The following SLC25A33 variants were observed in gnomAD, a reference collection of about 807,000 sequenced individuals.
The protein encoded by SLC25A33 is bone marrow stromal cell mitochondrial carrier protein.
In SLC25A33, 15 loss-of-function variants were observed where a neutral mutation model predicts 35.5. The observed-to-expected ratio is 0.42, with a 90% CI of 0.28 to 0.65. SLC25A33 has a LOEUF of 0.65. Among genes scored for constraint, SLC25A33 ranks in the 30% least tolerant of loss-of-function variants. SLC25A33 has a pLI of 0.20. For missense variants in SLC25A33, 257 were observed against 398.5 expected (o/e 0.64, Z 3.02); for synonymous variants, 136 against 148.7 (o/e 0.91, Z 0.62).
chr1:9,580,339 G>A (rs935342539), intron 6 of SLC25A33, 105 bp downstream of exon 6: 14 of 1,429,362 alleles, frequency 9.8e-6, no homozygotes, highest in Non-Finnish European at 1.3e-5. Context: ...CAGGATCCCT[G>A]CAGGTAAGGT....
intron 5 of SLC25A33, among the ~76,000 whole-genome samples, chr1:9,574,427 C>A (rs547673440): frequency 2.0e-5 from 3 of 152,174 alleles, no homozygotes; most frequent in Non-Finnish European, 4.4e-5. Context: ...GTCAGTGATA[C>A]AGTAGTATGC....
At chr1:9,566,532 A>G (rs773931236) in intron 2 of SLC25A33, among the ~76,000 whole-genome samples, 7 of 152,286 alleles carry the variant, frequency 4.6e-5, no homozygotes, top group Non-Finnish European at 7.4e-5. Context: ...TTCATTGTAT[A>G]GTACAGACTC....
At chr1:9,559,189 C>T (rs551137178) in intron 2 of SLC25A33, among the ~76,000 whole-genome samples, 10 of 152,266 alleles carry the variant, frequency 6.6e-5, no homozygotes, top group South Asian at 4.1e-4. Context: ...TATTTTTATC[C>T]GTAGCACTTA....
intron 5 of SLC25A33, among the ~76,000 whole-genome samples, chr1:9,576,170 G>T (rs1021082152): frequency 6.6e-6 from 1 of 152,226 alleles, no homozygotes; most frequent in Non-Finnish European, 1.5e-5. Context: ...TCTCTCAGCA[G>T]TGAATATTTG....
intron 5 of SLC25A33, among the ~76,000 whole-genome samples, chr1:9,579,701 G>A (rs1289451968): frequency 6.6e-6 from 1 of 152,188 alleles, no homozygotes; most frequent in East Asian, 1.9e-4. Context: ...CTCTCATGGA[G>A]TAAGACCAAC....
chr1:9,575,212 C>CAAAAAAAAAAAAAAAAAA (rs909942057), intron 5 of SLC25A33, among the ~76,000 whole-genome samples: 1 of 58,722 alleles, frequency 1.7e-5, no homozygotes. Context: ...GACTCTGGCT[C>CAAAAAAAAAAAAAAAAAA]AAAAAAAAAA....
chr1:9,553,092 T>A (rs1336327512), intron 1 of SLC25A33, among the ~76,000 whole-genome samples: 2 of 148,890 alleles, frequency 1.3e-5, no homozygotes, highest in African/African-American at 2.5e-5. Flanking sequence ...GGGTTTTGCC[T>A]TGTTGGCCTG....
intron 4 of SLC25A33, 30 bp downstream of exon 4, chr1:9,570,388 T>A: frequency 6.5e-7 from 1 of 1,535,306 alleles, no homozygotes; most frequent in Non-Finnish European, 9.0e-7. Context: ...GAAGAGAGGG[T>A]CTCTCTCTCA....
At chr1:9,560,190 T>G (rs1302788065) in intron 2 of SLC25A33, among the ~76,000 whole-genome samples, 1 of 148,842 alleles carries the variant, frequency 6.7e-6, no homozygotes, top group Non-Finnish European at 1.5e-5. Context: ...AGGCGGAGGT[T>G]GCAGTGAGCC....
At position 9,583,421 on chromosome 1, in the gene SLC25A33, C is replaced by CT. The variant is rs1643769717; in HGVS notation, c.*923dup. On this transcript the variant is annotated 3_prime_UTR_variant, in exon 7 of 7. Coordinates refer to ENST00000302692, the MANE Select transcript of SLC25A33 (RefSeq NM_032315.3). ...TCCTGAAGTTATCCTTTTCTCCCTACTTTGAACCAAAGGCAAGAATTTTTA... is the reference window on the plus strand; with the variant it reads ...TCCTGAAGTTATCCTTTTCTCCCTACTTTTGAACCAAAGGCAAGAATTTTTA... The CT allele has an allele frequency of 7.9e-5, 12 of 152,304 alleles. No homozygotes were observed. In the South Asian group the frequency reaches 2.5e-3, roughly 32 times the overall value. 9.4% of individuals were successfully genotyped at this position (152,304 alleles called of 1,614,324 possible).
In SLC25A33 at chr1:9,582,468, A is replaced by G. The variant is rs1643759818; in HGVS notation, c.933A>G (p.Leu311=). The stretch of plus-strand genomic sequence containing the variant: ...CCATTGTGTTGTCTACTTATGAGTT[A>G]ATTGTGTACCTGTTAGAAGACCGTA... The part of the protein sequence containing the change: ...NTAIVLSTYE[L]IVYLLEDRTQ The change falls in exon 7 of 7, where the codon TTA becomes TTG. Residue 311 remains leucine (L), a synonymous_variant. Coordinates refer to ENST00000302692, the MANE Select transcript of SLC25A33 (RefSeq NM_032315.3). This position sits in a 1 kb window ranked among gnomAD's most constrained non-coding sequence, Gnocchi z 4.0. 7 of 1,613,648 alleles carry G rather than the reference A, an allele frequency of 4.3e-6. No individual in the cohort carries two copies. The highest frequency in any genetic ancestry group is 4.0e-5 in the African/African-American group (3 of 74,910).
Position 9,583,910 on chromosome 1 carries a change from G to A in SLC25A33, c.*1409G>A, listed in dbSNP as rs1438889198. On this transcript the variant is annotated 3_prime_UTR_variant, in exon 7 of 7. Transcript: ENST00000302692. ...CTCGGGAGGCTGAGGCAGGAGAATGGCGTGAACCTGGGAGGCGGAGCTTGC... is the reference window on the plus strand; with the variant it reads ...CTCGGGAGGCTGAGGCAGGAGAATGACGTGAACCTGGGAGGCGGAGCTTGC... 6.6e-6 allele frequency: 1 copy of A among 151,508 alleles called. No homozygotes were observed. The highest frequency in any genetic ancestry group is 1.5e-5 in the Non-Finnish European group (1 of 67,914). 9.4% of individuals were successfully genotyped at this position (151,508 alleles called of 1,614,324 possible). A position where few individuals can be genotyped will look rare whatever the true frequency, so the allele number is the denominator to read the frequency against.
intron 4 of SLC25A33, among the ~76,000 whole-genome samples, chr1:9,572,901 C>CAA (rs57308070): frequency 2.2e-3 from 137 of 60,896 alleles, no homozygotes; most frequent in African/African-American, 6.9e-3. Context: ...CCCGTCTCTA[C>CAA]AAAAAAAAAA....
chr1:9,549,019 G>A (rs1569844755), intron 1 of SLC25A33, among the ~76,000 whole-genome samples: 1 of 152,164 alleles, frequency 6.6e-6, no homozygotes, highest in South Asian at 2.1e-4. Flanking sequence ...GTAGGTCTGG[G>A]CTACAGATTG....
At chr1:9,564,352 A>C (rs911293319) in intron 2 of SLC25A33, among the ~76,000 whole-genome samples, 2 of 152,126 alleles carry the variant, frequency 1.3e-5, no homozygotes, top group Admixed American at 1.3e-4. Flanking sequence ...ACCACTATAG[A>C]AAACAGCCTA....
Position 9,564,426 on chromosome 1 carries a change from C to A in SLC25A33, c.237-2858C>A, listed in dbSNP as rs531023313. 3.3e-5 allele frequency among the ~76,000 whole-genome samples: 5 copies of A among 152,166 alleles called. No homozygotes were observed. The South Asian group carries it at 1.0e-3, about 32-fold the overall frequency. ...ATCCAGCAATTCCACTTGGATTCCACAAAAGAATCCAAAGCAAGGACTCAA... is the reference window on the plus strand; with the variant it reads ...ATCCAGCAATTCCACTTGGATTCCAAAAAAGAATCCAAAGCAAGGACTCAA... On this transcript the variant is annotated intron_variant, in intron 2 of 6. Transcript: ENST00000302692.
At chr1:9,553,304 A>C (rs1391408497) in intron 1 of SLC25A33, among the ~76,000 whole-genome samples, 1 of 131,692 alleles carries the variant, frequency 7.6e-6, no homozygotes, top group East Asian at 2.3e-4. Flanking sequence ...GGCTCACTGC[A>C]GCCTCTGCCT....
chr1:9,553,781 C>T lies in SLC25A33; in HGVS notation c.212C>T (p.Thr71Ile). The T allele has an allele frequency of 6.2e-7, 1 of 1,614,110 alleles. No homozygotes were observed. Among genetic ancestry groups the T allele is most frequent in the East Asian group, 2.2e-5 (1 of 44,882 alleles). ...GAGMVRPTSV[T>I]PGLFQVLKSI... ...GGAATGGTGAGACCAACATCCGTGA[C>T]ACCTGGACTCTTTCAGGTTCTGAAG... Residue 71 changes from threonine to isoleucine, a missense_variant, in exon 2 of 7, where the codon ACA (threonine) becomes ATA (isoleucine). Coordinates refer to ENST00000302692, the MANE Select transcript of SLC25A33 (RefSeq NM_032315.3).
chr1:9,543,253 C>G (rs1434800826), intron 1 of SLC25A33, among the ~76,000 whole-genome samples: 1 of 152,102 alleles, frequency 6.6e-6, no homozygotes, highest in Non-Finnish European at 1.5e-5. Flanking sequence ...AAGTGATTCT[C>G]TTGCCTCAGC....
Sources: allele counts gnomAD v4.1 joint callset (sites outside exome capture counted in the v4.1 genomes callset), GRCh38; gene constraint gnomAD v4.1.1; non-coding constraint Gnocchi (gnomAD v3.1); transcripts MANE v1.5; gene names NCBI Gene and HGNC (gene_info 2026-07-23, HGNC 2026-07-21).